HRH1: variants seen among roughly 807,000 people sequenced by gnomAD.
HRH1 encodes histamine H1 receptor.
In HRH1, 6 loss-of-function variants were observed where a neutral mutation model predicts 10.3. That is an observed-to-expected ratio of 0.58 (90% confidence interval 0.32 to 1.15). The LOEUF (loss-of-function observed/expected upper bound fraction) is 1.15. Among genes scored for constraint, HRH1 ranks in the 50% most tolerant of loss-of-function variants. The pLI is 0.05. For missense variants in HRH1, 514 were observed against 615.3 expected, an observed-to-expected ratio of 0.84 and a Z score of 1.74; for synonymous variants, 242 against 236.7, an observed-to-expected ratio of 1.02 and a Z score of -0.21.
intron 1 of HRH1, among the ~76,000 whole-genome samples, chr3:11,156,477 C>T (rs1468385629): frequency 1.3e-5 from 2 of 152,210 alleles, no homozygotes; most frequent in African/African-American, 4.8e-5. Flanking sequence ...GCACTTTCCT[C>T]TTCACAATGA....
intron 1 of HRH1, among the ~76,000 whole-genome samples, chr3:11,194,085 G>A (rs1223525440): frequency 4.6e-5 from 7 of 152,332 alleles, no homozygotes; most frequent in African/African-American, 1.4e-4. Flanking sequence ...GCAAATGTAT[G>A]TGTAGTATAA....
intron 1 of HRH1, among the ~76,000 whole-genome samples, chr3:11,142,314 C>T (rs1207625162): frequency 2.0e-5 from 3 of 152,198 alleles, no homozygotes; most frequent in Admixed American, 6.5e-5. Context: ...CTTCTCTGGG[C>T]CCAGCTGCCT....
chr3:11,231,602 C>T (rs780149500), intron 1 of HRH1, among the ~76,000 whole-genome samples: 6 of 152,166 alleles, frequency 3.9e-5, no homozygotes, highest in Non-Finnish European at 8.8e-5. Flanking sequence ...TATTGAACAT[C>T]TTTTCACATG....
chr3:11,155,750 G>A (rs770234224), intron 1 of HRH1, among the ~76,000 whole-genome samples: 6 of 152,140 alleles, frequency 3.9e-5, no homozygotes, highest in Non-Finnish European at 7.3e-5. Flanking sequence ...GTGTGTCCCT[G>A]GAGCATGAAG....
intron 1 of HRH1, among the ~76,000 whole-genome samples, chr3:11,190,719 G>GT (rs1177623318): frequency 6.6e-6 from 1 of 152,066 alleles, no homozygotes; most frequent in Non-Finnish European, 1.5e-5. Context: ...AATTAGCTGG[G>GT]TGTGGCCTAT....
chr3:11,258,946 T>A (rs1239153273), intron 1 of HRH1, 57 bp from the exon 2 acceptor site: 1 of 1,244,426 alleles, frequency 8.0e-7, no homozygotes, highest in African/African-American at 1.5e-5. Context: ...ATCATGCTAC[T>A]AAGTGGCCAC....
chr3:11,228,597 C>T (rs552820745), intron 1 of HRH1, among the ~76,000 whole-genome samples: 20 of 151,790 alleles, frequency 1.3e-4, no homozygotes, highest in African/African-American at 4.4e-4. Flanking sequence ...TCAAAGTCTA[C>T]GTGAAGGACA....
chr3:11,210,100 G>C (rs1255681707), intron 1 of HRH1, among the ~76,000 whole-genome samples: 1 of 152,138 alleles, frequency 6.6e-6, no homozygotes, highest in Non-Finnish European at 1.5e-5. Context: ...CTCTTATGTG[G>C]AGTTAATAGG....
At chr3:11,145,585 G>T (rs1436042624) in intron 1 of HRH1, among the ~76,000 whole-genome samples, 2 of 152,062 alleles carry the variant, frequency 1.3e-5, no homozygotes, top group Non-Finnish European at 2.9e-5. Context: ...TAAGGAAAAT[G>T]AGATTTTTTA....
intron 1 of HRH1, among the ~76,000 whole-genome samples, chr3:11,174,647 C>G (rs1157664177): frequency 6.6e-6 from 1 of 152,228 alleles, no homozygotes; most frequent in Non-Finnish European, 1.5e-5. Context: ...ATGCCAGTGA[C>G]AGTAAAACTG....
At chr3:11,255,351 T>G (rs1313457673) in intron 1 of HRH1, among the ~76,000 whole-genome samples, 1 of 152,212 alleles carries the variant, frequency 6.6e-6, no homozygotes, top group Non-Finnish European at 1.5e-5. Context: ...GAGACACCTC[T>G]GGAGGCCAGG....
chr3:11,189,335 C>T (rs1184802398), intron 1 of HRH1, among the ~76,000 whole-genome samples: 9 of 152,224 alleles, frequency 5.9e-5, no homozygotes, highest in Non-Finnish European at 1.5e-5. Context: ...TTCAATCCTT[C>T]TCTGACTCAG....
intron 1 of HRH1, chr3:11,253,038 A>G (rs1442858110): frequency 2.0e-5 from 3 of 152,110 alleles, no homozygotes; most frequent in Non-Finnish European, 2.9e-5. Context: ...CTGCTTCTGG[A>G]ATTAACAGAA....
At chr3:11,173,113 T>C (rs189815872) in intron 1 of HRH1, among the ~76,000 whole-genome samples, 1 of 152,300 alleles carries the variant, frequency 6.6e-6, no homozygotes, top group Admixed American at 6.5e-5. Context: ...GAGTATCATA[T>C]GCCCTTCTTA....
At chr3:11,234,641 A>C in intron 1 of HRH1, 1 of 1,363,404 alleles carries the variant, frequency 7.3e-7, no homozygotes, top group East Asian at 2.3e-5. Flanking sequence ...TTGGTTATAA[A>C]TATGATTCGA....
Position 11,259,960 on chromosome 3 carries a change from T to C in HRH1, c.923T>C (p.Val308Ala). 6.2e-7 allele frequency: 1 copy of C among 1,614,180 alleles called. No homozygotes were observed. Among genetic ancestry groups the C allele is most frequent in the South Asian group, 1.1e-5 (1 of 91,080 alleles). The change falls in exon 2 of 2, where the codon GTG becomes GCG. Residue 308 changes from valine to alanine, a missense_variant. Transcript: ENST00000431010. The surrounding 1 kb of genome is among the most constrained non-coding windows in gnomAD (Gnocchi z 4.6). ...CTCTACTGCTTTCCACTTGATATTG[T>C]GCACATGCAGGCTGCGGCAGAGGGG... is the stretch of plus-strand genomic sequence containing the variant. The part of the protein sequence containing the change: ...DKLYCFPLDI[V>A]HMQAAAEGSS...
chr3:11,180,150 A>T (rs1367956425), intron 1 of HRH1, among the ~76,000 whole-genome samples: 1 of 152,082 alleles, frequency 6.6e-6, no homozygotes, highest in Non-Finnish European at 1.5e-5. Flanking sequence ...GGTTTTTAGT[A>T]TGTTCATGGA....
At chr3:11,148,507 G>T (rs553635981) in intron 1 of HRH1, among the ~76,000 whole-genome samples, 2 of 152,264 alleles carry the variant, frequency 1.3e-5, no homozygotes, top group Admixed American at 6.5e-5. Flanking sequence ...AGCGACTGAG[G>T]TTATTTCATA....
rs1026402012 is a variant in HRH1 at position 11,260,136 on chromosome 3, A to C, written c.1099A>C (p.Thr367Pro). The change falls in exon 2 of 2, where the codon ACA becomes CCA. Residue 367 changes from threonine (T) to proline (P), a missense_variant. By Grantham distance (38) the Thr-to-Pro change is conservative. Coordinates refer to ENST00000431010, the MANE Select transcript of HRH1 (RefSeq NM_001098212.2). Reference protein sequence around the residue: ...SFSRTDSDTTTETAPGKGKLR... With the variant: ...SFSRTDSDTTPETAPGKGKLR... ...CTCTCGAACGGACTCAGATACCACC[A>C]CAGAGACAGCACCAGGCAAAGGCAA... is the stretch of plus-strand genomic sequence containing the variant. The C allele has an allele frequency of 1.2e-6, 2 of 1,614,128 alleles. No homozygotes were observed. The highest frequency in any genetic ancestry group is 1.7e-6 in the Non-Finnish European group (2 of 1,180,044).
Sources: allele counts gnomAD v4.1 joint callset (sites outside exome capture counted in the v4.1 genomes callset), GRCh38; gene constraint gnomAD v4.1.1; non-coding constraint Gnocchi (gnomAD v3.1); transcripts MANE v1.5; gene names NCBI Gene and HGNC (gene_info 2026-07-23, HGNC 2026-07-21).